Variants in BTAF1 observed in about 807,000 individuals in gnomAD.
BTAF1 encodes TATA-binding protein-associated factor 172.
BTAF1 carries 38 observed loss-of-function variants against 227.1 expected under a neutral mutation model. The observed-to-expected ratio is 0.17, with a 90% CI of 0.13 to 0.22. The LOEUF is 0.22. Among genes scored for constraint, BTAF1 ranks in the 10% least tolerant of loss-of-function variants. The pLI is 1.00. For synonymous variants in BTAF1, 742 were observed against 751.9 expected (o/e 0.99, Z 0.21); for missense variants, 1,598 against 2,204.0 (o/e 0.73, Z 5.51).
At chr10:92,008,711 T>TTC in intron 26 of BTAF1, 118 bp from the exon 27 acceptor site, 1 of 1,007,908 alleles carries the variant, frequency 9.9e-7, no homozygotes, top group Non-Finnish European at 1.4e-6. Context: ...ACCCATTTAT[T>TTC]TCTCTTTTGC....
chr10:91,931,303 G>C (rs150584266), intron 1 of BTAF1, among the ~76,000 whole-genome samples: 1 of 152,262 alleles, frequency 6.6e-6, no homozygotes, highest in African/African-American at 2.4e-5. Flanking sequence ...AAATGGGCCA[G>C]ATTTCTTATT....
At position 91,950,155 on chromosome 10, in the gene BTAF1, G is replaced by GC. The variant is rs1564666081; in HGVS notation, c.401-1248_401-1247insC. Among the ~76,000 whole-genome samples, 25 of 54,404 alleles carry GC rather than the reference G, an allele frequency of 4.6e-4. 1 individual carries two copies. The highest frequency in any genetic ancestry group is 7.2e-4 in the Non-Finnish European group (16 of 22,086). 35.7% of individuals were successfully genotyped at this position (54,404 alleles called of 152,430 possible). A position where few individuals can be genotyped will look rare whatever the true frequency, so the allele number is the denominator to read the frequency against. ...GAGAGACCTTGTCCTTTGTGGGGGG[G>GC]GGCGGGAAAGAAGACTAGGTTTTTA... is the stretch of plus-strand genomic sequence containing the variant. On this transcript the variant is annotated intron_variant, in intron 4 of 37. Coordinates refer to ENST00000265990, the MANE Select transcript of BTAF1 (RefSeq NM_003972.3).
intron 23 of BTAF1, 56 bp downstream of exon 23, chr10:91,994,700 A>G (rs1564703527): frequency 6.9e-7 from 1 of 1,452,712 alleles, no homozygotes; most frequent in Non-Finnish European, 9.6e-7. Flanking sequence ...GGTCTTATTA[A>G]AAAGTCTTAA....
At chr10:91,990,437 G>C (rs1320025821) in intron 20 of BTAF1, among the ~76,000 whole-genome samples, 1 of 151,776 alleles carries the variant, frequency 6.6e-6, no homozygotes, top group Non-Finnish European at 1.5e-5. Context: ...TGCTTTTAAA[G>C]AGAACTTGCT....
chr10:91,982,255 T>C, intron 17 of BTAF1, 30 bp downstream of exon 17: 2 of 1,613,564 alleles, frequency 1.2e-6, no homozygotes, highest in Non-Finnish European at 1.7e-6. Context: ...CAGGTAGTCA[T>C]ACATTTACAA....
At position 92,028,967 on chromosome 10, in the gene BTAF1, T is replaced by A. The variant is rs371376701; in HGVS notation, c.*34T>A. 1.3e-6 allele frequency: 2 copies of A among 1,538,572 alleles called. No homozygotes were observed. The highest frequency in any genetic ancestry group is 1.7e-6 in the Non-Finnish European group (2 of 1,144,904). ...TATTGTAAATGCAATTGCTGCTAGT[T>A]CAGTTACATTTCTGCTGATATTCAG... is the stretch of plus-strand genomic sequence containing the variant. On this transcript the variant is annotated 3_prime_UTR_variant, in exon 38 of 38. Transcript: ENST00000265990.
At chr10:91,958,069 G>T (rs180913393) in intron 8 of BTAF1, among the ~76,000 whole-genome samples, 4 of 152,042 alleles carry the variant, frequency 2.6e-5, no homozygotes, top group Admixed American at 2.6e-4. Context: ...ATTTTTTTGA[G>T]ATGGAGTCTC....
chr10:91,934,850 A>ATT (rs1429623144), intron 1 of BTAF1, among the ~76,000 whole-genome samples: 1 of 152,144 alleles, frequency 6.6e-6, no homozygotes, highest in Non-Finnish European at 1.5e-5. Context: ...CAGTGTTAAA[A>ATT]TTATTTTCTA....
chr10:91,973,643 G>T (rs962240486), intron 14 of BTAF1, among the ~76,000 whole-genome samples: 1 of 152,006 alleles, frequency 6.6e-6, no homozygotes, highest in Non-Finnish European at 1.5e-5. Flanking sequence ...GGTGGCTCAC[G>T]CCTGTAATCC....
At chr10:91,987,831 C>T (rs1020487424) in intron 19 of BTAF1, among the ~76,000 whole-genome samples, 1 of 152,194 alleles carries the variant, frequency 6.6e-6, no homozygotes, top group South Asian at 2.1e-4. Context: ...GTACGCTACA[C>T]TTATTCACTT....
At chr10:92,012,765 TGTCTCA>T (rs1442298140) in intron 30 of BTAF1, among the ~76,000 whole-genome samples, 1 of 67,714 alleles carries the variant, frequency 1.5e-5, no homozygotes, top group Non-Finnish European at 3.2e-5. Context: ...AGTGAGACTC[TGTCTCA>T]AAAAAAAAAA....
At chr10:91,945,317 AT>A (rs1271137675) in intron 4 of BTAF1, among the ~76,000 whole-genome samples, 1 of 152,206 alleles carries the variant, frequency 6.6e-6, no homozygotes, top group Non-Finnish European at 1.5e-5. Context: ...ATAACAAAAA[AT>A]TTACCATCCT....
chr10:91,923,949 C>T lies in BTAF1; in HGVS notation c.-128C>T, dbSNP rs926247821. The T allele has an allele frequency of 9.4e-5, 117 of 1,245,352 alleles. No homozygotes were observed. Among genetic ancestry groups the T allele is most frequent in the Admixed American group, 7.3e-5 (2 of 27,272 alleles). The allele number at this position is 1,245,352 out of a possible 1,614,324, so 77.1% of individuals were successfully genotyped here. A position where few individuals can be genotyped will look rare whatever the true frequency, so the allele number is the denominator to read the frequency against. ...TGCCCGAGGGCCTGCGCTGGAACGC[C>T]CCACGCCGCACCGGCCGCTCCCCTG... On this transcript the variant is annotated 5_prime_UTR_variant, in exon 1 of 38. Coordinates refer to ENST00000265990, the MANE Select transcript of BTAF1 (RefSeq NM_003972.3).
chr10:91,997,700 A>C lies in BTAF1; in HGVS notation c.3609A>C (p.Arg1203Ser). The C allele has an allele frequency of 6.2e-7, 1 of 1,614,096 alleles. No homozygotes were observed. Among genetic ancestry groups the C allele is most frequent in the South Asian group, 1.1e-5 (1 of 91,084 alleles). Residue 1203 changes from arginine to serine, a missense_variant, in exon 25 of 38, where the codon AGA (arginine) becomes AGC (serine). By Grantham distance (110) the Arg-to-Ser change is moderately radical (BLOSUM62 -1). Transcript: ENST00000265990. ...TGAGTGATCAGACAGACAGTGTGAG[A>C]TTCATGGCCACGCAGTGCTTTGCAA... ...GRMSDQTDSV[R>S]FMATQCFATL... is the part of the protein sequence containing the mutation.
chr10:91,980,335 T>C (rs1847976672), intron 14 of BTAF1, 119 bp from the exon 15 acceptor site: 1 of 709,484 alleles, frequency 1.4e-6, no homozygotes, highest in African/African-American at 1.8e-5. Context: ...TTTAGCCTTT[T>C]TAATGAAACC....
At chr10:91,981,566 A>G in intron 15 of BTAF1, 77 bp from the exon 16 acceptor site, 2 of 1,408,970 alleles carry the variant, frequency 1.4e-6, no homozygotes, top group Non-Finnish European at 9.4e-7. Context: ...AAAAAACCTC[A>G]GTATTCCTAA....
Position 91,957,271 on chromosome 10 carries a change from A to C in BTAF1, c.878A>C (p.Asp293Ala). 6.2e-7 allele frequency: 1 copy of C among 1,612,590 alleles called. No individual in the cohort carries two copies. The highest frequency in any genetic ancestry group is 8.5e-7 in the Non-Finnish European group (1 of 1,179,078). The change falls in exon 8 of 38, where the codon GAC becomes GCC. Residue 293 changes from aspartate to alanine, a missense_variant. Transcript: ENST00000265990. The stretch of plus-strand genomic sequence containing the variant: ...AGCTTTTGTGAAGAACTTTGCAATG[A>C]CCTTTTTAATCCCTCCTGGGAGGTA... ...LESFCEELCNDLFNPSWEVRH... is the reference protein window; with the variant it reads ...LESFCEELCNALFNPSWEVRH...
In BTAF1 at chr10:91,984,063, CTG is replaced by C. The variant is rs1400831470; in HGVS notation, c.2224-136_2224-135del. The C allele has an allele frequency of 9.6e-6, 7 of 728,676 alleles. No homozygotes were observed. The Admixed American group carries it at 9.7e-5, about 10-fold the overall frequency. 45.1% of individuals were successfully genotyped at this position (728,676 alleles called of 1,614,324 possible). A position where few individuals can be genotyped will look rare whatever the true frequency, so the allele number is the denominator to read the frequency against. The stretch of plus-strand genomic sequence containing the variant: ...AATACCTTTTTTTCTGTGCAATTAA[CTG>C]TTGTTTGGAGAAGTAACAGAATATA... On this transcript the variant is annotated intron_variant, in intron 18 of 37. Transcript: ENST00000265990.
At chr10:91,978,299 C>T (rs1847825133) in intron 14 of BTAF1, among the ~76,000 whole-genome samples, 1 of 152,046 alleles carries the variant, frequency 6.6e-6, no homozygotes, top group South Asian at 2.1e-4. Flanking sequence ...AAATCTTCCT[C>T]TATAGATGTG....
Sources: gnomAD v4.1 joint callset for allele counts (sites outside exome capture counted in the v4.1 genomes callset) on GRCh38, gnomAD v4.1.1 for gene constraint, MANE v1.5 for transcripts, NCBI Gene and HGNC (gene_info 2026-07-23, HGNC 2026-07-21) for gene names.